CUEDC1: variants seen among roughly 807,000 people sequenced by gnomAD.
CUEDC1 encodes CUE domain containing 1.
CUEDC1 carries 30 observed loss-of-function variants against 43.7 expected under a neutral mutation model. That is an observed-to-expected ratio of 0.69 (90% CI 0.51 to 0.93). The LOEUF (loss-of-function observed/expected upper bound fraction) is 0.93, where lower values mean the gene tolerates loss of function less well. Ranked by LOEUF, CUEDC1 falls within the 40% of genes least tolerant of loss-of-function variation. The probability of loss-of-function intolerance (pLI) is 0.00; values close to 1 mark genes in which losing one functional copy is unlikely to be tolerated. For synonymous variants in CUEDC1, 223 were observed against 223.6 expected (o/e 1.00, Z 0.02); for missense variants, 486 against 549.0 (o/e 0.89, Z 1.15).
At chr17:57,905,188 C>G (rs1235684777) in intron 1 of CUEDC1, among the ~76,000 whole-genome samples, 1 of 151,706 alleles carries the variant, frequency 6.6e-6, no homozygotes, top group Non-Finnish European at 1.5e-5. Context: ...ATGAAGAACA[C>G]TGCCACCCGG....
intron 1 of CUEDC1, among the ~76,000 whole-genome samples, chr17:57,887,284 A>G (rs548474140): frequency 1.3e-5 from 2 of 152,164 alleles, no homozygotes; most frequent in Admixed American, 6.5e-5. Flanking sequence ...CACCCGGCCC[A>G]CTCAAACCCA....
At position 57,873,629 on chromosome 17, in the gene CUEDC1, A is replaced by C; in HGVS notation, c.553T>G (p.Phe185Val). The C allele has an allele frequency of 1.9e-6, 3 of 1,603,204 alleles. No individual in the cohort carries two copies. The highest frequency in any genetic ancestry group is 2.6e-6 in the Non-Finnish European group (3 of 1,174,564). ...PPLLGNLPDD[F>V]LRILPQQLDS... ...AGCTGCTGGGGCAGGATGCGGAGAAAGTCATCCGGAAGGTTGCCCAGCAGT... is the reference window on the plus strand; with the variant it reads ...AGCTGCTGGGGCAGGATGCGGAGAACGTCATCCGGAAGGTTGCCCAGCAGT... Residue 185 changes from phenylalanine (F) to valine (V), a missense_variant, in exon 4 of 11, where the codon TTT (phenylalanine) becomes GTT (valine). By Grantham distance (50) the Phe-to-Val change is conservative. Transcript: ENST00000577830.
intron 3 of CUEDC1, among the ~76,000 whole-genome samples, chr17:57,879,316 C>T (rs1269900245): frequency 6.6e-6 from 1 of 152,200 alleles, no homozygotes; most frequent in Non-Finnish European, 1.5e-5. Context: ...CTGGCATCTC[C>T]CTTGACTATA....
At chr17:57,916,762 C>T (rs543905300) in intron 1 of CUEDC1, among the ~76,000 whole-genome samples, 4 of 152,296 alleles carry the variant, frequency 2.6e-5, no homozygotes, top group East Asian at 3.9e-4. Context: ...AACTCCCAGA[C>T]GGAAATCCAC....
At chr17:57,882,750 G>A (rs2586048) in intron 2 of CUEDC1, among the ~76,000 whole-genome samples, 82,542 of 151,896 alleles carry the variant, frequency 0.54, 23,105 homozygotes, top group East Asian at 0.99. Context: ...CACTTAATGA[G>A]TAGAAAATAT....
intron 1 of CUEDC1, chr17:57,922,439 A>G (rs923373941): frequency 1.1e-4 from 16 of 152,344 alleles, no homozygotes; most frequent in African/African-American, 3.8e-4. Context: ...CTTTTCTTCA[A>G]ACAGAACAAT....
Position 57,885,247 on chromosome 17 carries a change from C to T in CUEDC1, c.318G>A (p.Glu106=). ...GGVYEDSSDS[E]DSIPPEILER... ...CCCCTACCTCCGGGGGGATGCTGTC[C>T]TCCGAGTCGGAGCTGTCCTCATAGA... is the stretch of plus-strand genomic sequence containing the variant. The change falls in exon 2 of 11, where the codon GAG becomes GAA. Residue 106 remains glutamate, a synonymous_variant. Transcript: ENST00000577830. 1 of 1,585,796 alleles carries T rather than the reference C, an allele frequency of 6.3e-7. No individual in the cohort carries two copies. The highest frequency in any genetic ancestry group is 1.3e-5 in the African/African-American group (1 of 74,162).
chr17:57,939,454 TGTGG>T (rs2143199414), intron 1 of CUEDC1, among the ~76,000 whole-genome samples: 1 of 108,502 alleles, frequency 9.2e-6, no homozygotes, highest in South Asian at 3.6e-4. Flanking sequence ...TGTGTAGAGA[TGTGG>T]GTGGGGGGAG....
intron 1 of CUEDC1, among the ~76,000 whole-genome samples, chr17:57,934,327 G>C (rs962281690): frequency 6.6e-6 from 1 of 152,068 alleles, no homozygotes; most frequent in African/African-American, 2.4e-5. Flanking sequence ...AGGAGTCGGA[G>C]GTTGCAGTGA....
At chr17:57,878,449 A>G (rs117547858) in intron 3 of CUEDC1, among the ~76,000 whole-genome samples, 1 of 152,064 alleles carries the variant, frequency 6.6e-6, no homozygotes, top group South Asian at 2.1e-4. Flanking sequence ...TCTGGGGAGA[A>G]GGGAAGATCT....
chr17:57,915,858 A>C (rs2074634313), intron 1 of CUEDC1, among the ~76,000 whole-genome samples: 2 of 152,316 alleles, frequency 1.3e-5, no homozygotes, highest in East Asian at 3.9e-4. Context: ...TATGATAAGC[A>C]AGAGCTCAGT....
chr17:57,868,674 G>A (rs1004843566), intron 7 of CUEDC1, among the ~76,000 whole-genome samples: 2 of 152,148 alleles, frequency 1.3e-5, no homozygotes, highest in East Asian at 3.9e-4. Context: ...TGAAAGGATC[G>A]CAGCCTCATT....
chr17:57,910,630 G>A (rs2074572774), intron 1 of CUEDC1, among the ~76,000 whole-genome samples: 1 of 149,274 alleles, frequency 6.7e-6, no homozygotes, highest in Admixed American at 6.7e-5. Context: ...AAAAAGAAAA[G>A]GGAAAGGGAA....
intron 1 of CUEDC1, among the ~76,000 whole-genome samples, chr17:57,886,905 G>A (rs931487153): frequency 3.6e-5 from 5 of 139,848 alleles, no homozygotes; most frequent in South Asian, 2.4e-4. Flanking sequence ...TGCAAACTCC[G>A]CTTCCCGGGT....
intron 1 of CUEDC1, among the ~76,000 whole-genome samples, chr17:57,920,635 T>TTCTTTTC (rs1369825215): frequency 7.1e-6 from 1 of 141,538 alleles, no homozygotes; most frequent in Non-Finnish European, 1.5e-5. Flanking sequence ...TTCTTTTCTT[T>TTCTTTTC]TTTTTTTTTT....
intron 1 of CUEDC1, among the ~76,000 whole-genome samples, chr17:57,887,244 A>G (rs2074302282): frequency 6.6e-6 from 1 of 152,106 alleles, no homozygotes; most frequent in South Asian, 2.1e-4. Flanking sequence ...AATCAAGCAC[A>G]ATGAGGGACC....
chr17:57,869,175 G>A lies in CUEDC1; in HGVS notation c.887C>T (p.Pro296Leu), dbSNP rs1281992639. 16 of 1,614,046 alleles carry A rather than the reference G, an allele frequency of 9.9e-6. No homozygotes were observed. Among genetic ancestry groups the A allele is most frequent in the Non-Finnish European group, 1.4e-5 (16 of 1,179,978 alleles). ...SPVPGTGDAN[P>L]AVSEDALFRD... is the part of the protein sequence containing the mutation. ...GAATAAGGCATCTTCAGACACAGCGGGGTTGGCGTCGCCAGTTCCTGGAAG... is the reference window on the plus strand; with the variant it reads ...GAATAAGGCATCTTCAGACACAGCGAGGTTGGCGTCGCCAGTTCCTGGAAG... The change falls in exon 7 of 11, where the codon CCC (proline) becomes CTC (leucine). Residue 296 changes from proline to leucine, a missense_variant. Coordinates refer to ENST00000577830, the MANE Select transcript of CUEDC1 (RefSeq NM_001271875.2).
intron 1 of CUEDC1, among the ~76,000 whole-genome samples, chr17:57,891,033 G>A (rs1042690467): frequency 7.9e-5 from 12 of 152,168 alleles, no homozygotes; most frequent in African/African-American, 2.9e-4. Context: ...CACAGGCCTG[G>A]GACCTTTTCC....
chr17:57,950,052 C>A (rs1394191238), intron 1 of CUEDC1, among the ~76,000 whole-genome samples: 1 of 152,168 alleles, frequency 6.6e-6, no homozygotes, highest in Admixed American at 6.5e-5. Context: ...ACGAGCTAAT[C>A]CATGTGAAGT....
Sources: allele counts gnomAD v4.1 joint callset (sites outside exome capture counted in the v4.1 genomes callset), GRCh38; gene constraint gnomAD v4.1.1; transcripts MANE v1.5; gene names NCBI Gene and HGNC (gene_info 2026-07-23, HGNC 2026-07-21).